The following POLR1A variants were observed in gnomAD, a reference collection of about 807,000 sequenced individuals.
The protein encoded by POLR1A is RNA polymerase I subunit A.
A neutral mutation model predicts 205.3 loss-of-function variants in POLR1A; 84 were observed. The observed-to-expected ratio is 0.41, with a 90% CI of 0.34 to 0.49. The LOEUF (loss-of-function observed/expected upper bound fraction) is 0.49. Ranked by LOEUF, POLR1A falls within the 20% of genes least tolerant of loss-of-function variation. The probability of loss-of-function intolerance (pLI) is 0.22; values close to 1 mark genes in which losing one functional copy is unlikely to be tolerated. For synonymous variants in POLR1A, 799 were observed against 863.7 expected, an observed-to-expected ratio of 0.93 and a Z score of 1.31; for missense variants, 1,645 against 2,204.5, an observed-to-expected ratio of 0.75 and a Z score of 5.08.
At chr2:86,104,202 A>G (rs1673875010) in intron 1 of POLR1A, among the ~76,000 whole-genome samples, 1 of 152,068 alleles carries the variant, frequency 6.6e-6, no homozygotes, top group Non-Finnish European at 1.5e-5. Context: ...GTGTAAGGGG[A>G]GGGTGGAAGG....
intron 15 of POLR1A, among the ~76,000 whole-genome samples, 188 bp from the exon 16 acceptor site, chr2:86,053,188 T>A (rs1373164690): frequency 1.3e-5 from 2 of 152,148 alleles, no homozygotes; most frequent in Non-Finnish European, 2.9e-5. Flanking sequence ...TATTATTATT[T>A]TTTAATATAA....
At chr2:86,089,037 A>C (rs1673555816) in intron 4 of POLR1A, among the ~76,000 whole-genome samples, 167 bp from the exon 5 acceptor site, 1 of 152,238 alleles carries the variant, frequency 6.6e-6, no homozygotes, top group African/African-American at 2.4e-5. Context: ...GAGCTCTGAC[A>C]ATTACTGAGT....
At chr2:86,097,233 A>AAAAAAAAAAAAAAC in intron 3 of POLR1A, among the ~76,000 whole-genome samples, 1 of 147,742 alleles carries the variant, frequency 6.8e-6, no homozygotes, top group Non-Finnish European at 1.5e-5. Flanking sequence ...AAAAAAAAAA[A>AAAAAAAAAAAAAAC]AAAAAAAAAG....
chr2:86,041,202 TACA>T, intron 24 of POLR1A, among the ~76,000 whole-genome samples: 1 of 110,004 alleles, frequency 9.1e-6, no homozygotes, highest in African/African-American at 3.6e-5. Flanking sequence ...CGCGCTGAGC[TACA>T]GTGTCTGTGT....
chr2:86,061,850 C>T lies in POLR1A; in HGVS notation c.2058+3424G>A, dbSNP rs565574459. Among the ~76,000 whole-genome samples the T allele has an allele frequency of 1.3e-4, 20 of 152,014 alleles. No individual in the cohort carries two copies. In the East Asian group the frequency reaches 2.5e-3, roughly 19 times the overall value. ...ACGAGGGGTAGAAACTGGGAGGGGC[C>T]GTGGAGGGGTCTTCTGGGGGTGCTG... is the stretch of plus-strand genomic sequence containing the variant. On this transcript the variant is annotated intron_variant, in intron 14 of 33. Transcript: ENST00000263857.
intron 6 of POLR1A, among the ~76,000 whole-genome samples, chr2:86,086,228 T>A (rs879678723): frequency 7.2e-4 from 109 of 151,884 alleles, no homozygotes; most frequent in Middle Eastern, 3.4e-3. Flanking sequence ...CCGGCTAATT[T>A]TTTTTTTTTT....
At chr2:86,054,097 C>G in intron 15 of POLR1A, 43 bp downstream of exon 15, 1 of 1,602,150 alleles carries the variant, frequency 6.2e-7, no homozygotes, top group Non-Finnish European at 8.5e-7. Flanking sequence ...CTGTCTAACC[C>G]CGGCACTAGA....
intron 22 of POLR1A, 114 bp from the exon 23 acceptor site, chr2:86,043,309 T>C (rs886406900): frequency 4.9e-6 from 4 of 815,230 alleles, no homozygotes; most frequent in East Asian, 4.9e-5. Context: ...GTGGCTGGTG[T>C]GGAGCCCTCA....
rs1402091525 is a variant in POLR1A at position 86,023,295 on chromosome 2, C to CA, written c.*4127dup. 2 of 152,236 alleles carry CA rather than the reference C, an allele frequency of 1.3e-5. No homozygotes were observed. The highest frequency in any genetic ancestry group is 2.9e-5 in the Non-Finnish European group (2 of 68,054). The allele number at this position is 152,236 out of a possible 1,614,324, so 9.4% of individuals were successfully genotyped here. On this transcript the variant is annotated 3_prime_UTR_variant, in exon 34 of 34. Coordinates refer to ENST00000263857, the MANE Select transcript of POLR1A (RefSeq NM_015425.6). ...GGCAGGCTGTGGTACGGGGCTGCCCCACTGAGCCATCTGCAGAGGTGGTAT... is the reference window on the plus strand; with the variant it reads ...GGCAGGCTGTGGTACGGGGCTGCCCCAACTGAGCCATCTGCAGAGGTGGTAT...
chr2:86,044,681 G>A (rs1477934788), intron 21 of POLR1A, among the ~76,000 whole-genome samples: 4 of 152,200 alleles, frequency 2.6e-5, no homozygotes, highest in Non-Finnish European at 5.9e-5. Flanking sequence ...GGCGAAGCAG[G>A]GGAGCTGTCA....
intron 7 of POLR1A, among the ~76,000 whole-genome samples, 188 bp from the exon 8 acceptor site, chr2:86,081,894 C>T (rs563806659): frequency 2.1e-4 from 32 of 152,170 alleles, no homozygotes; most frequent in Non-Finnish European, 3.5e-4. Flanking sequence ...TGCAGTGGTG[C>T]GATCATGACT....
intron 19 of POLR1A, among the ~76,000 whole-genome samples, chr2:86,046,209 C>G (rs1672707215): frequency 6.6e-6 from 1 of 152,048 alleles, no homozygotes; most frequent in African/African-American, 2.4e-5. Context: ...GCAGGAGGAT[C>G]CCTTGAGCCC....
At chr2:86,086,319 C>G (rs552055992) in intron 6 of POLR1A, among the ~76,000 whole-genome samples, 1 of 152,204 alleles carries the variant, frequency 6.6e-6, no homozygotes, top group Non-Finnish European at 1.5e-5. Flanking sequence ...CTCCTGACTT[C>G]AGATGATCCG....
chr2:86,043,303 C>T, intron 22 of POLR1A, 108 bp from the exon 23 acceptor site: 3 of 882,574 alleles, frequency 3.4e-6, no homozygotes, highest in Non-Finnish European at 5.5e-6. Context: ...ACCCAGGTGG[C>T]TGGTGTGGAG....
intron 18 of POLR1A, among the ~76,000 whole-genome samples, chr2:86,048,273 G>A (rs1041442679): frequency 2.6e-5 from 4 of 152,246 alleles, no homozygotes; most frequent in African/African-American, 9.6e-5. Flanking sequence ...GGGGCAGAAA[G>A]GCAGAGAAAA....
At chr2:86,055,205 T>C (rs1672875566) in intron 14 of POLR1A, among the ~76,000 whole-genome samples, 1 of 151,894 alleles carries the variant, frequency 6.6e-6, no homozygotes, top group East Asian at 1.9e-4. Flanking sequence ...TGAGGCACGA[T>C]AACCGCTTGA....
intron 12 of POLR1A, among the ~76,000 whole-genome samples, chr2:86,073,073 C>T (rs1020707762): frequency 6.6e-6 from 1 of 152,060 alleles, no homozygotes; most frequent in Non-Finnish European, 1.5e-5. Flanking sequence ...ACTAGCCACA[C>T]CTGTGGTCCC....
chr2:86,032,006 A>G (rs575340192), intron 29 of POLR1A, among the ~76,000 whole-genome samples: 76 of 152,290 alleles, frequency 5.0e-4, no homozygotes, highest in Non-Finnish European at 1.0e-3. Flanking sequence ...TTCTTGCCAG[A>G]AGCCTGTCTG....
chr2:86,060,296 G>A (rs1010016328), intron 14 of POLR1A, among the ~76,000 whole-genome samples: 1 of 152,166 alleles, frequency 6.6e-6, no homozygotes, highest in African/African-American at 2.4e-5. Flanking sequence ...TGTGCACAGT[G>A]TGAAAGTTTA....
Sources: allele counts gnomAD v4.1 joint callset (sites outside exome capture counted in the v4.1 genomes callset), GRCh38; gene constraint gnomAD v4.1.1; transcripts MANE v1.5; gene names NCBI Gene and HGNC (gene_info 2026-07-23, HGNC 2026-07-21).